The following PHC1 variants were observed in gnomAD, a reference collection of about 807,000 sequenced individuals.
PHC1 encodes polyhomeotic-like protein 1.
PHC1 carries 12 observed loss-of-function variants against 104.3 expected under a neutral mutation model. The observed-to-expected ratio is 0.12, with a 90% CI of 0.07 to 0.19. PHC1 has a LOEUF of 0.19. Among genes scored for constraint, PHC1 ranks in the 10% least tolerant of loss-of-function variants. The probability of loss-of-function intolerance (pLI) is 1.00; values close to 1 mark genes in which losing one functional copy is unlikely to be tolerated. For missense variants in PHC1, 671 were observed against 1,200.0 expected (o/e 0.56, Z 6.51); for synonymous variants, 302 against 455.8 (o/e 0.66, Z 4.30).
intron 2 of PHC1, among the ~76,000 whole-genome samples, 199 bp downstream of exon 2, chr12:8,917,990 C>A (rs1443046696): frequency 6.6e-6 from 1 of 152,200 alleles, no homozygotes; most frequent in East Asian, 1.9e-4. Context: ...TCTGGTCTTT[C>A]AAATAAGGAT....
chr12:8,930,391 C>T, intron 6 of PHC1, 44 bp from the exon 7 acceptor site: 1 of 1,578,600 alleles, frequency 6.3e-7, no homozygotes, highest in Non-Finnish European at 8.6e-7. Flanking sequence ...AACCTTAATG[C>T]CTCCAGTCCT....
intron 6 of PHC1, among the ~76,000 whole-genome samples, chr12:8,929,999 A>G (rs186279809): frequency 7.2e-5 from 11 of 152,232 alleles, no homozygotes; most frequent in Admixed American, 2.0e-4. Context: ...TACTGGGTGC[A>G]TATCTATACA....
chr12:8,921,173 T>A (rs1330922162), intron 4 of PHC1, 108 bp downstream of exon 4: 1 of 757,504 alleles, frequency 1.3e-6, no homozygotes, highest in Non-Finnish European at 2.1e-6. Flanking sequence ...CGTCAGTGGA[T>A]AGTTACTGCT....
chr12:8,935,301 C>A, intron 11 of PHC1, 63 bp downstream of exon 11: 2 of 863,832 alleles, frequency 2.3e-6, no homozygotes, highest in South Asian at 3.1e-5. Flanking sequence ...TTTGAGGACT[C>A]GGTGTAAAAT....
chr12:8,918,696 T>C (rs1945271697), intron 2 of PHC1, among the ~76,000 whole-genome samples: 1 of 152,254 alleles, frequency 6.6e-6, no homozygotes, highest in Non-Finnish European at 1.5e-5. Flanking sequence ...TAGTCTTTGC[T>C]ATGGCATGTA....
At chr12:8,938,505 GTCCTGGGC>G (rs1382688434) in intron 14 of PHC1, among the ~76,000 whole-genome samples, 1 of 149,206 alleles carries the variant, frequency 6.7e-6, no homozygotes, top group Non-Finnish European at 1.5e-5. Flanking sequence ...TGGTCTTGGA[GTCCTGGGC>G]TCAAGAGATC....
intron 2 of PHC1, among the ~76,000 whole-genome samples, chr12:8,918,824 G>A (rs186202929): frequency 7.9e-5 from 12 of 152,270 alleles, no homozygotes; most frequent in Admixed American, 5.9e-4. Flanking sequence ...TGACAGGAAC[G>A]CGTTTTGAGA....
upstream of PHC1, chr12:8,914,461 G>GC (rs1945140569): frequency 6.7e-6 from 1 of 148,968 alleles, no homozygotes; most frequent in Non-Finnish European, 1.5e-5. Context: ...GGACGGCGGG[G>GC]GGGGGGTCCG....
intron 7 of PHC1, 62 bp downstream of exon 7, chr12:8,930,989 CTTTTTTTGCCTTTT>C: frequency 6.7e-7 from 1 of 1,501,072 alleles, no homozygotes; most frequent in South Asian, 1.4e-5. Flanking sequence ...TCCTTTTTTT[CTTTTTTTGCCTTTT>C]TTTCTTTGCC....
intron 7 of PHC1, 72 bp downstream of exon 7, chr12:8,930,999 C>A: frequency 6.8e-7 from 1 of 1,481,252 alleles, no homozygotes; most frequent in Non-Finnish European, 9.0e-7. Context: ...CTTTTTTTGC[C>A]TTTTTTTCTT....
intron 6 of PHC1, among the ~76,000 whole-genome samples, chr12:8,928,051 G>A (rs918118530): frequency 1.3e-5 from 2 of 151,390 alleles, no homozygotes; most frequent in African/African-American, 2.4e-5. Context: ...GATTACAGGC[G>A]CGTGCCACTA....
chr12:8,920,539 C>A (rs1945332088), intron 3 of PHC1, among the ~76,000 whole-genome samples: 1 of 152,170 alleles, frequency 6.6e-6, no homozygotes, highest in African/African-American at 2.4e-5. Context: ...GAAACTCATT[C>A]TTTACTAAAA....
At chr12:8,937,687 G>A (rs1945878471) in intron 13 of PHC1, 142 bp from the exon 14 acceptor site, 1 of 648,956 alleles carries the variant, frequency 1.5e-6, no homozygotes, top group African/African-American at 1.8e-5. Context: ...TAGATTTTGG[G>A]AATTTGCAAA....
In PHC1 at chr12:8,937,273, C is replaced by T. The variant is rs772496605; in HGVS notation, c.2575C>T (p.Arg859Cys). Residue 859 changes from arginine (R) to cysteine (C), a missense_variant, in exon 13 of 15, where the codon CGC becomes TGC. By Grantham distance (180) the Arg-to-Cys change is radical (BLOSUM62 -3). Around this residue, in one of 9 missense-constraint regions of PHC1, gnomAD observed 192 missense variants for 280.5 expected, o/e 0.68. Transcript: ENST00000544916. ...NYARVRRRGP[R>C]RSSSDIARAK... The stretch of plus-strand genomic sequence containing the variant: ...TGCTCGCGTTCGCAGGCGTGGACCC[C>T]GCCGCAGCTCCTCTGACATTGCCCG... 84 of 1,611,866 alleles carry T rather than the reference C, an allele frequency of 5.2e-5. No individual in the cohort carries two copies. The highest frequency in any genetic ancestry group is 6.2e-5 in the Non-Finnish European group (73 of 1,179,044).
At chr12:8,924,251 T>C (rs1356647928) in intron 6 of PHC1, among the ~76,000 whole-genome samples, 1 of 152,020 alleles carries the variant, frequency 6.6e-6, no homozygotes, top group Non-Finnish European at 1.5e-5. Flanking sequence ...CTGAGGAGGG[T>C]GGATCACCTG....
In PHC1 at chr12:8,921,762, A is replaced by G. The variant is rs1945371573; in HGVS notation, c.456+12A>G. 1.3e-5 allele frequency: 20 copies of G among 1,583,002 alleles called. No individual in the cohort carries two copies. The highest frequency in any genetic ancestry group is 1.7e-5 in the Non-Finnish European group (20 of 1,166,728). ...AGATGTATCTACGGGTAAGCCACAG[A>G]TGCAGTCACCATTGCCCCAGAGGCA... On this transcript the variant is annotated intron_variant, in intron 5 of 14. Coordinates refer to ENST00000544916, the MANE Select transcript of PHC1 (RefSeq NM_004426.3).
intron 6 of PHC1, among the ~76,000 whole-genome samples, chr12:8,925,403 C>T (rs1271668941): frequency 2.0e-5 from 3 of 152,162 alleles, no homozygotes; most frequent in Non-Finnish European, 4.4e-5. Context: ...AAACACCAGA[C>T]ATTAAACTGA....
At chr12:8,927,838 CCTGTACTGTACTAGTTTTCTTT>C (rs1945558936) in intron 6 of PHC1, among the ~76,000 whole-genome samples, 1 of 149,856 alleles carries the variant, frequency 6.7e-6, no homozygotes, top group South Asian at 2.1e-4. Context: ...ATTATTTTAA[CCTGTACTGTACTAGTTTTCTTT>C]CTTTCTTTCT....
At chr12:8,922,853 T>G (rs1945405572) in intron 6 of PHC1, 65 bp downstream of exon 6, 1 of 1,440,974 alleles carries the variant, frequency 6.9e-7, no homozygotes, top group Non-Finnish European at 9.5e-7. Flanking sequence ...ACCACGGACC[T>G]GGGTCCACCC....
Sources: gnomAD v4.1 joint callset for allele counts (sites outside exome capture counted in the v4.1 genomes callset) on GRCh38, gnomAD v4.1.1 for gene constraint, gnomAD v4.1.1 regional missense constraint, MANE v1.5 for transcripts, NCBI Gene and HGNC (gene_info 2026-07-23, HGNC 2026-07-21) for gene names.